The following CNTNAP2 variants were observed in gnomAD, a reference collection of about 807,000 sequenced individuals.
The protein encoded by CNTNAP2 is contactin-associated protein-like 2.
In CNTNAP2, 98 loss-of-function variants were observed where a neutral mutation model predicts 155.2. That is an observed-to-expected ratio of 0.63 (90% confidence interval 0.54 to 0.75). The LOEUF is 0.75. Among genes scored for constraint, CNTNAP2 ranks in the 30% least tolerant of loss-of-function variants. The probability of loss-of-function intolerance (pLI) is 0.00; values close to 1 mark genes in which losing one functional copy is unlikely to be tolerated. For synonymous variants in CNTNAP2, 651 were observed against 631.2 expected, an observed-to-expected ratio of 1.03 and a Z score of -0.47; for missense variants, 1,727 against 1,688.1, an observed-to-expected ratio of 1.02 and a Z score of -0.40.
intron 11 of CNTNAP2, among the ~76,000 whole-genome samples, chr7:147,492,382 A>C (rs1798625079): frequency 6.6e-6 from 1 of 152,224 alleles, no homozygotes; most frequent in Non-Finnish European, 1.5e-5. Context: ...GAGTGTGGTC[A>C]ATTACTATAC....
At chr7:147,513,909 G>A (rs771133575) in intron 11 of CNTNAP2, among the ~76,000 whole-genome samples, 4 of 152,130 alleles carry the variant, frequency 2.6e-5, no homozygotes, top group Non-Finnish European at 5.9e-5. Context: ...TTCTGTTTTG[G>A]AAGACACACC....
chr7:148,212,787 G>A (rs909821556), intron 18 of CNTNAP2, among the ~76,000 whole-genome samples: 1 of 152,144 alleles, frequency 6.6e-6, no homozygotes, highest in Non-Finnish European at 1.5e-5. Flanking sequence ...CAATGAAATG[G>A]CAGCTGTAAA....
chr7:147,741,852 T>A (rs994946613), intron 13 of CNTNAP2, among the ~76,000 whole-genome samples: 4 of 152,200 alleles, frequency 2.6e-5, no homozygotes, highest in African/African-American at 9.7e-5. Flanking sequence ...ATGTTATTAT[T>A]ATCTTGATGG....
chr7:147,523,495 G>A (rs972595039), intron 11 of CNTNAP2, among the ~76,000 whole-genome samples: 2 of 152,210 alleles, frequency 1.3e-5, no homozygotes, highest in African/African-American at 4.8e-5. Flanking sequence ...GGGATCCTTT[G>A]GGATCACCGT....
intron 1 of CNTNAP2, among the ~76,000 whole-genome samples, chr7:146,523,683 A>T (rs1797647888): frequency 6.6e-6 from 1 of 152,166 alleles, no homozygotes; most frequent in Non-Finnish European, 1.5e-5. Context: ...ATTGTTTCTA[A>T]TACGTCTTTT....
intron 3 of CNTNAP2, among the ~76,000 whole-genome samples, chr7:146,914,246 T>A (rs145052774): frequency 1.1e-3 from 175 of 152,186 alleles, no homozygotes; most frequent in African/African-American, 3.3e-3. Context: ...TGAATGGTGA[T>A]GCTATAAACA....
At chr7:148,186,537 C>G (rs1795118095) in intron 18 of CNTNAP2, among the ~76,000 whole-genome samples, 1 of 152,178 alleles carries the variant, frequency 6.6e-6, no homozygotes. Flanking sequence ...TGAGGCAGCC[C>G]TCTTCCTATT....
At chr7:148,004,621 A>G (rs1028188574) in intron 15 of CNTNAP2, among the ~76,000 whole-genome samples, 1 of 152,194 alleles carries the variant, frequency 6.6e-6, no homozygotes, top group East Asian at 1.9e-4. Context: ...CTCATAAGAC[A>G]ACAAATGACC....
intron 3 of CNTNAP2, among the ~76,000 whole-genome samples, chr7:146,861,659 A>C (rs1438862466): frequency 6.6e-6 from 1 of 152,082 alleles, no homozygotes; most frequent in African/African-American, 2.4e-5. Flanking sequence ...AAAAATCAGC[A>C]TTCAGTGAGA....
At chr7:147,217,259 C>T (rs1234122167) in intron 8 of CNTNAP2, among the ~76,000 whole-genome samples, 1 of 151,946 alleles carries the variant, frequency 6.6e-6, no homozygotes, top group Non-Finnish European at 1.5e-5. Context: ...TAGTTTCTTA[C>T]CATTAAGTAT....
intron 15 of CNTNAP2, among the ~76,000 whole-genome samples, chr7:148,041,281 A>C (rs1437119978): frequency 1.3e-5 from 2 of 152,230 alleles, no homozygotes; most frequent in Non-Finnish European, 2.9e-5. Context: ...TGCAATTAAC[A>C]GGAAATAGCT....
At chr7:147,823,315 T>C (rs998461256) in intron 13 of CNTNAP2, among the ~76,000 whole-genome samples, 3 of 152,162 alleles carry the variant, frequency 2.0e-5, no homozygotes, top group Non-Finnish European at 4.4e-5. Context: ...ACCGACCCAG[T>C]TGAATGTGCT....
intron 10 of CNTNAP2, among the ~76,000 whole-genome samples, chr7:147,398,546 G>T (rs1201943199): frequency 1.4e-5 from 2 of 148,114 alleles, no homozygotes; most frequent in African/African-American, 2.5e-5. Context: ...TTTGTCTGAA[G>T]GTGTTTTTCT....
intron 13 of CNTNAP2, among the ~76,000 whole-genome samples, chr7:147,825,766 C>T (rs188421397): frequency 6.6e-6 from 1 of 152,136 alleles, no homozygotes; most frequent in Non-Finnish European, 1.5e-5. Context: ...AACCACTAAA[C>T]AAAGAGTGGA....
At chr7:148,029,121 A>T (rs1347439615) in intron 15 of CNTNAP2, among the ~76,000 whole-genome samples, 1 of 152,098 alleles carries the variant, frequency 6.6e-6, no homozygotes, top group Non-Finnish European at 1.5e-5. Context: ...AACCTCTCTT[A>T]GGAGATGTTA....
chr7:148,251,650 C>T (rs1237283459), intron 20 of CNTNAP2, among the ~76,000 whole-genome samples: 1 of 152,164 alleles, frequency 6.6e-6, no homozygotes, highest in Non-Finnish European at 1.5e-5. Context: ...TACATGAATG[C>T]CCTTCTCTCC....
chr7:146,226,197 A>T (rs889288384), intron 1 of CNTNAP2, among the ~76,000 whole-genome samples: 1 of 152,198 alleles, frequency 6.6e-6, no homozygotes, highest in African/African-American at 2.4e-5. Context: ...TACCCAACAT[A>T]CAACTTCCTT....
chr7:148,205,084 C>T (rs1795427731), intron 18 of CNTNAP2, among the ~76,000 whole-genome samples: 1 of 152,216 alleles, frequency 6.6e-6, no homozygotes, highest in South Asian at 2.1e-4. Flanking sequence ...CTCACAAGTG[C>T]CTCTTTTCAC....
chr7:147,426,459 A>G (rs992254192), intron 10 of CNTNAP2, among the ~76,000 whole-genome samples: 4 of 152,252 alleles, frequency 2.6e-5, no homozygotes, highest in African/African-American at 7.2e-5. Context: ...GAAGTTTCAA[A>G]TCAGCTGGCA....
Sources: allele counts gnomAD v4.1 joint callset (sites outside exome capture counted in the v4.1 genomes callset), GRCh38; gene constraint gnomAD v4.1.1; transcripts MANE v1.5; gene names NCBI Gene and HGNC (gene_info 2026-07-23, HGNC 2026-07-21).